The following PAWR variants were observed in gnomAD, a reference collection of about 807,000 sequenced individuals.
The protein encoded by PAWR is pro-apoptotic WT1 regulator.
Under a neutral mutation model 32.0 loss-of-function variants are expected in PAWR, and 23 were observed. That is an observed-to-expected ratio of 0.72 (90% CI 0.52 to 1.02). The LOEUF (loss-of-function observed/expected upper bound fraction) is 1.02, where lower values mean the gene tolerates loss of function less well. Ranked by LOEUF, PAWR falls within the 50% of genes least tolerant of loss-of-function variation. PAWR has a pLI of 0.00. For missense variants in PAWR, 457 were observed against 437.7 expected, an observed-to-expected ratio of 1.04 and a Z score of -0.39; for synonymous variants, 226 against 187.1, an observed-to-expected ratio of 1.21 and a Z score of -1.70.
intron 2 of PAWR, among the ~76,000 whole-genome samples, chr12:79,633,341 A>G (rs2136752134): frequency 6.6e-6 from 1 of 152,286 alleles, no homozygotes; most frequent in Middle Eastern, 3.4e-3. Context: ...AAAAATGTGA[A>G]CAGATATTTC....
intron 2 of PAWR, among the ~76,000 whole-genome samples, chr12:79,627,382 T>A (rs2136733426): frequency 6.6e-6 from 1 of 152,358 alleles, no homozygotes; most frequent in African/African-American, 2.4e-5. Context: ...GCTGCATAAA[T>A]GTCCTCTTTT....
chr12:79,653,618 T>C (rs1398072185), intron 2 of PAWR, among the ~76,000 whole-genome samples: 1 of 152,158 alleles, frequency 6.6e-6, no homozygotes, highest in East Asian at 1.9e-4. Context: ...TAGCTGGGAT[T>C]ACAGGCATGC....
At chr12:79,594,493 AAGTGGCATAT>A in intron 5 of PAWR, 60 bp from the exon 6 acceptor site, 2 of 797,144 alleles carry the variant, frequency 2.5e-6, no homozygotes, top group South Asian at 3.2e-5. Flanking sequence ...TAATCTTCCT[AAGTGGCATAT>A]ATCTCCCCAA....
chr12:79,686,565 T>C lies in PAWR; in HGVS notation c.516+3164A>G, dbSNP rs566964498. ...GTGAAGGGACAAAGAGGGCACGGAA[T>C]TGAATTAGCATGAGCAAACATTTTT... On this transcript the variant is annotated intron_variant, in intron 2 of 6. Coordinates refer to ENST00000328827, the MANE Select transcript of PAWR (RefSeq NM_002583.4). Among the ~76,000 whole-genome samples the C allele has an allele frequency of 2.0e-5, 3 of 152,282 alleles. No homozygotes were observed. The East Asian group carries it at 5.8e-4, about 29-fold the overall frequency.
At chr12:79,628,882 G>C (rs1464037705) in intron 2 of PAWR, among the ~76,000 whole-genome samples, 2 of 152,008 alleles carry the variant, frequency 1.3e-5, no homozygotes, top group Admixed American at 6.6e-5. Context: ...GGAAATAAAA[G>C]TATACCAGTG....
chr12:79,609,305 C>T (rs762847828), intron 4 of PAWR, among the ~76,000 whole-genome samples: 22 of 151,938 alleles, frequency 1.4e-4, no homozygotes, highest in Admixed American at 2.0e-4. Flanking sequence ...TGGGTTAATA[C>T]GAAATGTGAG....
chr12:79,659,272 C>T (rs1877238629), intron 2 of PAWR, among the ~76,000 whole-genome samples: 1 of 150,176 alleles, frequency 6.7e-6, no homozygotes. Flanking sequence ...CCAGCCTGGG[C>T]GACAGAGTGA....
intron 2 of PAWR, among the ~76,000 whole-genome samples, chr12:79,677,103 T>C (rs1424847160): frequency 1.3e-5 from 2 of 152,356 alleles, no homozygotes; most frequent in African/African-American, 4.8e-5. Flanking sequence ...AACAGCTGTA[T>C]TAACTTAAGC....
intron 2 of PAWR, among the ~76,000 whole-genome samples, chr12:79,676,843 C>G (rs1289758376): frequency 6.6e-6 from 1 of 152,186 alleles, no homozygotes; most frequent in Non-Finnish European, 1.5e-5. Context: ...TTCACCTGTG[C>G]ATTTCTTATC....
chr12:79,689,891 C>A lies in PAWR; in HGVS notation c.354G>T (p.Ser118=), dbSNP rs779433412. The A allele has an allele frequency of 1.3e-6, 2 of 1,528,150 alleles. No homozygotes were observed. The highest frequency in any genetic ancestry group is 2.6e-5 in the East Asian group (1 of 38,456). The allele number at this position is 1,528,150 out of a possible 1,614,324, so 94.7% of individuals were successfully genotyped here. A position where few individuals can be genotyped will look rare whatever the true frequency, so the allele number is the denominator to read the frequency against. The part of the protein sequence containing the change: ...SEDEPPAASA[S]AAPPPQRDEE... ...CGTCACGCTGGGGCGGCGGTGCAGC[C>A]GAGGCAGAGGCGGCTGGGGGCTCGT... Residue 118 remains serine (S), a synonymous_variant, in exon 2 of 7, where the codon TCG becomes TCT. Coordinates refer to ENST00000328827, the MANE Select transcript of PAWR (RefSeq NM_002583.4).
intron 2 of PAWR, among the ~76,000 whole-genome samples, chr12:79,675,000 A>T (rs1051949215): frequency 6.6e-6 from 1 of 152,174 alleles, no homozygotes; most frequent in Non-Finnish European, 1.5e-5. Context: ...AGCAGTTTGG[A>T]GATTTCTCAA....
chr12:79,614,563 T>C (rs1225869506), intron 3 of PAWR, among the ~76,000 whole-genome samples: 1 of 152,306 alleles, frequency 6.6e-6, no homozygotes, highest in East Asian at 1.9e-4. Flanking sequence ...GTCATGTCTC[T>C]GTTCAATCTT....
intron 2 of PAWR, among the ~76,000 whole-genome samples, chr12:79,653,250 G>T (rs1056613755): frequency 6.6e-6 from 1 of 152,058 alleles, no homozygotes; most frequent in Non-Finnish European, 1.5e-5. Context: ...TGGCCAGGCT[G>T]GTCTTGAACT....
At chr12:79,596,783 T>C (rs954126323) in intron 4 of PAWR, 125 bp from the exon 5 acceptor site, 16 of 559,654 alleles carry the variant, frequency 2.9e-5, no homozygotes, top group Non-Finnish European at 4.6e-5. Flanking sequence ...TAGCAACTTA[T>C]TTGTAACTGT....
chr12:79,601,763 T>C (rs1446936136), intron 4 of PAWR, among the ~76,000 whole-genome samples: 1 of 152,202 alleles, frequency 6.6e-6, no homozygotes, highest in Non-Finnish European at 1.5e-5. Flanking sequence ...CTGAAGATCT[T>C]AACACCGTGT....
intron 2 of PAWR, among the ~76,000 whole-genome samples, chr12:79,633,915 G>A (rs1290202562): frequency 1.3e-5 from 2 of 152,060 alleles, no homozygotes; most frequent in Non-Finnish European, 2.9e-5. Flanking sequence ...GACATAACAT[G>A]CCACCTAGGA....
intron 2 of PAWR, among the ~76,000 whole-genome samples, chr12:79,625,930 C>T (rs1033354163): frequency 1.3e-5 from 2 of 151,364 alleles, no homozygotes; most frequent in African/African-American, 2.4e-5. Context: ...ATTGGGAGTC[C>T]GAGGCAGGCG....
intron 2 of PAWR, among the ~76,000 whole-genome samples, chr12:79,663,855 T>A (rs1877467521): frequency 6.6e-6 from 1 of 152,190 alleles, no homozygotes; most frequent in Non-Finnish European, 1.5e-5. Context: ...AAAAGTTTTA[T>A]TACATGTAGT....
At chr12:79,658,019 A>G (rs1333338361) in intron 2 of PAWR, among the ~76,000 whole-genome samples, 1 of 152,204 alleles carries the variant, frequency 6.6e-6, no homozygotes, top group Admixed American at 6.5e-5. Flanking sequence ...TCCAATGTGC[A>G]TATGACTGAA....
Sources: gnomAD v4.1 joint callset for allele counts (sites outside exome capture counted in the v4.1 genomes callset) on GRCh38, gnomAD v4.1.1 for gene constraint, MANE v1.5 for transcripts, NCBI Gene and HGNC (gene_info 2026-07-23, HGNC 2026-07-21) for gene names.